The following ZBTB20 variants were observed in gnomAD, a reference collection of about 807,000 sequenced individuals.
ZBTB20 encodes zinc finger and BTB domain-containing protein 20.
In ZBTB20, 9 loss-of-function variants were observed where a neutral mutation model predicts 56.9. That is an observed-to-expected ratio of 0.16 (90% CI 0.10 to 0.28). The LOEUF (loss-of-function observed/expected upper bound fraction) is 0.28. Ranked by LOEUF, ZBTB20 falls within the 10% of genes least tolerant of loss-of-function variation. The pLI, the probability that ZBTB20 is intolerant of heterozygous loss-of-function variation, is 1.00. For missense variants in ZBTB20, 655 were observed against 1,003.0 expected (o/e 0.65, Z 4.69); for synonymous variants, 417 against 420.7 (o/e 0.99, Z 0.11).
At chr3:115,039,779 C>A (rs923632438) in intron 2 of ZBTB20, among the ~76,000 whole-genome samples, 1 of 151,844 alleles carries the variant, frequency 6.6e-6, no homozygotes, top group Non-Finnish European at 1.5e-5. Context: ...TAGTGGTAAC[C>A]AAAGGTTGGG....
chr3:114,867,587 C>T (rs1237584849), intron 4 of ZBTB20, among the ~76,000 whole-genome samples: 1 of 152,106 alleles, frequency 6.6e-6, no homozygotes, highest in Non-Finnish European at 1.5e-5. Flanking sequence ...AGACGCACCC[C>T]ACCACGCCCG....
chr3:114,977,756 T>A (rs762190919), intron 2 of ZBTB20, among the ~76,000 whole-genome samples: 3 of 152,074 alleles, frequency 2.0e-5, no homozygotes, highest in Non-Finnish European at 4.4e-5. Context: ...ACATACACAG[T>A]GGTATATAAT....
intron 6 of ZBTB20, among the ~76,000 whole-genome samples, chr3:114,654,682 C>T (rs986743124): frequency 1.3e-5 from 2 of 152,100 alleles, no homozygotes; most frequent in African/African-American, 4.8e-5. Context: ...AAACATCAAA[C>T]AGGTCAAGGC....
At chr3:114,959,333 CAT>C (rs1023390731) in intron 3 of ZBTB20, among the ~76,000 whole-genome samples, 24 of 152,126 alleles carry the variant, frequency 1.6e-4, no homozygotes, top group African/African-American at 5.3e-4. Context: ...AATTAACAAA[CAT>C]GAGAGAAAAC....
chr3:114,736,483 T>G (rs1374748918), intron 5 of ZBTB20, among the ~76,000 whole-genome samples: 1 of 152,212 alleles, frequency 6.6e-6, no homozygotes, highest in Non-Finnish European at 1.5e-5. Flanking sequence ...ATCTCTTCAT[T>G]TCTGCCTCAT....
intron 2 of ZBTB20, among the ~76,000 whole-genome samples, chr3:115,045,319 T>C (rs998255171): frequency 3.9e-5 from 6 of 152,184 alleles, no homozygotes; most frequent in Non-Finnish European, 7.4e-5. Context: ...TTTTTACATA[T>C]ATATGAAACA....
intron 4 of ZBTB20, among the ~76,000 whole-genome samples, chr3:114,878,499 A>T (rs1038694976): frequency 1.5e-4 from 23 of 151,944 alleles, no homozygotes; most frequent in African/African-American, 5.6e-4. Context: ...GTAAAAGAGT[A>T]CTTGAGTCAA....
intron 5 of ZBTB20, among the ~76,000 whole-genome samples, chr3:114,768,506 A>G (rs963788226): frequency 2.0e-5 from 3 of 152,104 alleles, no homozygotes; most frequent in Non-Finnish European, 4.4e-5. Flanking sequence ...CATCAGACAT[A>G]TAGGAAATTA....
intron 5 of ZBTB20, among the ~76,000 whole-genome samples, chr3:114,793,820 T>C (rs943338099): frequency 2.0e-5 from 3 of 152,082 alleles, no homozygotes; most frequent in Non-Finnish European, 4.4e-5. Flanking sequence ...TCACTGAGCC[T>C]CAGTTTCTGA....
chr3:114,858,479 G>C (rs149563292), intron 4 of ZBTB20, among the ~76,000 whole-genome samples: 1 of 151,956 alleles, frequency 6.6e-6, no homozygotes, highest in African/African-American at 2.4e-5. Context: ...TCTTTACATA[G>C]TGCAATAAAA....
chr3:114,479,027 G>A (rs2109343289), intron 7 of ZBTB20, among the ~76,000 whole-genome samples: 1 of 150,734 alleles, frequency 6.6e-6, no homozygotes, highest in South Asian at 2.1e-4. Flanking sequence ...GTTACAGCTG[G>A]CTCTGTTTAC....
chr3:115,068,530 G>C (rs975459254), intron 2 of ZBTB20, among the ~76,000 whole-genome samples: 1 of 152,014 alleles, frequency 6.6e-6, no homozygotes. Context: ...GAAGAAACTT[G>C]AATAATATTC....
At chr3:114,725,871 C>A (rs1006338768) in intron 5 of ZBTB20, among the ~76,000 whole-genome samples, 1 of 152,144 alleles carries the variant, frequency 6.6e-6, no homozygotes, top group African/African-American at 2.4e-5. Flanking sequence ...AAGTGTAAGG[C>A]TGAAGGAGAA....
intron 3 of ZBTB20, among the ~76,000 whole-genome samples, chr3:114,957,373 T>C (rs888571789): frequency 6.6e-6 from 1 of 152,170 alleles, no homozygotes; most frequent in Admixed American, 6.5e-5. Context: ...TACTAGAGGA[T>C]AGAATGGAAA....
chr3:115,032,244 C>A (rs2080717345), intron 2 of ZBTB20, among the ~76,000 whole-genome samples: 1 of 151,074 alleles, frequency 6.6e-6, no homozygotes, highest in Non-Finnish European at 1.5e-5. Flanking sequence ...AGTAAGCACA[C>A]AATAAATTAT....
intron 3 of ZBTB20, among the ~76,000 whole-genome samples, chr3:114,948,230 TA>T (rs139707773): frequency 1.1e-4 from 15 of 138,950 alleles, no homozygotes; most frequent in African/African-American, 2.7e-4. Flanking sequence ...CCTTATGATT[TA>T]AAAAAAAAAC....
chr3:114,588,503 G>C lies in ZBTB20; in HGVS notation c.-294-88112C>G, dbSNP rs187303612. Among the ~76,000 whole-genome samples, 110 of 152,276 alleles carry C rather than the reference G, an allele frequency of 7.2e-4. 1 individual carries two copies. The South Asian group carries it at 9.1e-3, about 13-fold the overall frequency. ...TGGTCTCTTTTAGTGTATGCTCAGA[G>C]TGGGTCACAAGAGTGGTTTTAGCTT... On this transcript the variant is annotated intron_variant, in intron 6 of 11. Transcript: ENST00000675478.
chr3:114,929,514 T>C (rs1006985037), intron 3 of ZBTB20, among the ~76,000 whole-genome samples: 3 of 152,228 alleles, frequency 2.0e-5, no homozygotes, highest in Non-Finnish European at 4.4e-5. Context: ...TTTCTTCTAG[T>C]TTCCCATCTC....
intron 4 of ZBTB20, among the ~76,000 whole-genome samples, chr3:114,846,002 G>T (rs751119615): frequency 1.8e-4 from 28 of 152,236 alleles, no homozygotes; most frequent in African/African-American, 5.8e-4. Context: ...TATTTTCATA[G>T]ATTTTAATGT....
Sources: allele counts gnomAD v4.1 joint callset (sites outside exome capture counted in the v4.1 genomes callset), GRCh38; gene constraint gnomAD v4.1.1; transcripts MANE v1.5; gene names NCBI Gene and HGNC (gene_info 2026-07-23, HGNC 2026-07-21).